Variants in PLLP observed in about 807,000 individuals in gnomAD.
PLLP encodes plasma membrane proteolipid (plasmolipin).
Under a neutral mutation model 19.7 loss-of-function variants are expected in PLLP, and 15 were observed. The observed-to-expected ratio is 0.76, with a 90% CI of 0.51 to 1.17. The LOEUF is 1.17. Ranked by LOEUF, PLLP falls within the 50% of genes most tolerant of loss-of-function variation. The pLI is 0.00. For missense variants in PLLP, 255 were observed against 258.3 expected (o/e 0.99, Z 0.09); for synonymous variants, 111 against 116.3 (o/e 0.95, Z 0.29).
intron 2 of PLLP, among the ~76,000 whole-genome samples, chr16:57,261,304 C>T (rs933833147): frequency 5.9e-5 from 9 of 152,198 alleles, no homozygotes; most frequent in Admixed American, 2.6e-4. Context: ...CACACCCGGC[C>T]GGGAAAAATA....
chr16:57,282,140 C>T (rs1406536188), intron 1 of PLLP, among the ~76,000 whole-genome samples: 3 of 151,500 alleles, frequency 2.0e-5, no homozygotes, highest in African/African-American at 4.8e-5. Context: ...AAGACCCTTG[C>T]GGCCCACAGC....
intron 3 of PLLP, 143 bp downstream of exon 3, chr16:57,258,319 C>T (rs190039120): frequency 4.1e-5 from 30 of 735,810 alleles, no homozygotes; most frequent in African/African-American, 4.1e-4. Flanking sequence ...GGAGGCGGCC[C>T]GGCTCCCCTC....
chr16:57,263,526 C>T (rs1158251483), intron 1 of PLLP, among the ~76,000 whole-genome samples: 1 of 152,216 alleles, frequency 6.6e-6, no homozygotes, highest in Non-Finnish European at 1.5e-5. Flanking sequence ...TATTATTCCA[C>T]AAGCCCGAAC....
chr16:57,267,856 CAA>C (rs2075462400), intron 1 of PLLP, among the ~76,000 whole-genome samples: 1 of 116,654 alleles, frequency 8.6e-6, no homozygotes, highest in Admixed American at 1.0e-4. Flanking sequence ...GCCTGGGCAA[CAA>C]GAGCGAAACT....
intron 1 of PLLP, among the ~76,000 whole-genome samples, chr16:57,267,882 AAAAAAAAAAG>A: frequency 6.6e-6 from 1 of 151,970 alleles, no homozygotes; most frequent in Non-Finnish European, 1.5e-5. Context: ...TCTCAAAAAA[AAAAAAAAAAG>A]AAAGAAAGAA....
intron 1 of PLLP, among the ~76,000 whole-genome samples, chr16:57,282,042 G>A (rs1166603766): frequency 4.6e-5 from 7 of 151,998 alleles, no homozygotes; most frequent in Non-Finnish European, 7.4e-5. Flanking sequence ...ACCCAGATGC[G>A]CAGGGCTGGA....
chr16:57,266,661 G>A (rs1405311088), intron 1 of PLLP, among the ~76,000 whole-genome samples: 1 of 152,144 alleles, frequency 6.6e-6, no homozygotes, highest in Non-Finnish European at 1.5e-5. Flanking sequence ...GGGCCCTGCA[G>A]GTCTCTCTTG....
In PLLP at chr16:57,284,552, T is replaced by A. The variant is rs772104152; in HGVS notation, c.-12A>T. Reference sequence around the variant, plus strand: ...GGGAACTCGGCCATGGCGGCTCCGCTTGCCTCCCGAGGTCGCTACGGCCGC... The same window carrying A: ...GGGAACTCGGCCATGGCGGCTCCGCATGCCTCCCGAGGTCGCTACGGCCGC... On this transcript the variant is annotated 5_prime_UTR_variant, in exon 1 of 4. In the 5' UTR this introduces an upstream ATG that the reference lacks. Transcript: ENST00000219207. The A allele has an allele frequency of 2.2e-6, 3 of 1,342,982 alleles. No homozygotes were observed. The East Asian group carries it at 8.4e-5, about 38-fold the overall frequency. 83.2% of individuals were successfully genotyped at this position (1,342,982 alleles called of 1,614,324 possible).
chr16:57,274,616 C>T (rs1479102609), intron 1 of PLLP, among the ~76,000 whole-genome samples: 1 of 151,606 alleles, frequency 6.6e-6, no homozygotes, highest in East Asian at 2.0e-4. Context: ...CCATGCCAGG[C>T]TATTTTTTGT....
In PLLP at chr16:57,258,582, T is replaced by C; in HGVS notation, c.312A>G (p.Leu104=). ...CGGTGGCGCTGATGTTAAAGATCATTAACTGCAGGACATGGGGGTAGGGAG... is the reference window on the plus strand; with the variant it reads ...CGGTGGCGCTGATGTTAAAGATCATCAACTGCAGGACATGGGGGTAGGGAG... The part of the protein sequence containing the change: ...KLYMVPWPLV[L]MIFNISATVL... Residue 104 remains leucine, a splice_region_variant and synonymous_variant, in exon 3 of 4, where the codon TTA becomes TTG. Coordinates refer to ENST00000219207, the MANE Select transcript of PLLP (RefSeq NM_015993.3). 1 of 1,612,672 alleles carries C rather than the reference T, an allele frequency of 6.2e-7. No homozygotes were observed. The highest frequency in any genetic ancestry group is 1.3e-5 in the African/African-American group (1 of 74,926).
intron 1 of PLLP, 84 bp from the exon 2 acceptor site, chr16:57,262,154 G>T: frequency 1.5e-6 from 2 of 1,344,698 alleles, no homozygotes; most frequent in Non-Finnish European, 2.1e-6. Context: ...AGGCACAGTG[G>T]CTCATGCCTG....
chr16:57,269,758 T>C lies in PLLP; in HGVS notation c.136-7688A>G, dbSNP rs558886608. On this transcript the variant is annotated intron_variant, in intron 1 of 3. Transcript: ENST00000219207. ...AGACACTAGAAGTCTGGATTTTATA[T>C]GGAAATCAGCTATTTATTTATTTAT... Among the ~76,000 whole-genome samples the C allele has an allele frequency of 1.1e-4, 16 of 152,266 alleles. No homozygotes were observed. The South Asian group carries it at 1.5e-3, about 14-fold the overall frequency.
intron 1 of PLLP, among the ~76,000 whole-genome samples, chr16:57,267,875 C>CAAA (rs71152241): frequency 1.5e-5 from 1 of 65,688 alleles, no homozygotes; most frequent in Non-Finnish European, 3.1e-5. Context: ...AACTCCGTCT[C>CAAA]AAAAAAAAAA....
rs1003217676 is a variant in PLLP at position 57,284,626 on chromosome 16, C to G, written c.-86G>C. The G allele has an allele frequency of 1.6e-6, 2 of 1,228,774 alleles. No homozygotes were observed. The highest frequency in any genetic ancestry group is 1.6e-5 in the African/African-American group (1 of 64,420). The allele number at this position is 1,228,774 out of a possible 1,614,324, so 76.1% of individuals were successfully genotyped here. On this transcript the variant is annotated 5_prime_UTR_variant, in exon 1 of 4. Coordinates refer to ENST00000219207, the MANE Select transcript of PLLP (RefSeq NM_015993.3). ...GTGCCGGCTCCCGCGCCGCTTTTCC[C>G]CCAGGCTCCGGATCCCTGTGTGGCT... is the stretch of plus-strand genomic sequence containing the variant.
chr16:57,259,264 C>T (rs1477763710), intron 2 of PLLP, among the ~76,000 whole-genome samples: 1 of 152,258 alleles, frequency 6.6e-6, no homozygotes, highest in East Asian at 1.9e-4. Context: ...CAGGCTACTC[C>T]TCCAAGTGTG....
At chr16:57,280,023 T>G (rs1477181736) in intron 1 of PLLP, among the ~76,000 whole-genome samples, 1 of 152,198 alleles carries the variant, frequency 6.6e-6, no homozygotes, top group Non-Finnish European at 1.5e-5. Context: ...GACTGACAGG[T>G]CTCTGTACAA....
intron 1 of PLLP, among the ~76,000 whole-genome samples, chr16:57,273,071 A>T (rs1416459636): frequency 6.6e-6 from 1 of 151,974 alleles, no homozygotes; most frequent in Non-Finnish European, 1.5e-5. Context: ...ATCCTGGCTA[A>T]CATGGTGAAA....
chr16:57,273,122 C>T (rs1047688339), intron 1 of PLLP, among the ~76,000 whole-genome samples: 8 of 150,044 alleles, frequency 5.3e-5, no homozygotes, highest in Admixed American at 3.3e-4. Flanking sequence ...TAGCCGGGCA[C>T]GGTGGCAGGT....
intron 1 of PLLP, among the ~76,000 whole-genome samples, chr16:57,265,070 C>T (rs2075452902): frequency 1.3e-5 from 2 of 152,174 alleles, no homozygotes; most frequent in African/African-American, 4.8e-5. Context: ...TCCAGGGATC[C>T]ACCCCCCAAC....
Sources: gnomAD v4.1 joint callset for allele counts (sites outside exome capture counted in the v4.1 genomes callset) on GRCh38, gnomAD v4.1.1 for gene constraint, MANE v1.5 for transcripts, NCBI Gene and HGNC (gene_info 2026-07-23, HGNC 2026-07-21) for gene names.